RRAS2: variants seen among roughly 807,000 people sequenced by gnomAD.
The protein encoded by RRAS2 is ras-related protein R-Ras2.
A neutral mutation model predicts 27.6 loss-of-function variants in RRAS2; 7 were observed. That is an observed-to-expected ratio of 0.25 (90% CI 0.14 to 0.48). The LOEUF (loss-of-function observed/expected upper bound fraction) is 0.48. Among genes scored for constraint, RRAS2 ranks in the 20% least tolerant of loss-of-function variants. The pLI is 0.99. For synonymous variants in RRAS2, 86 were observed against 90.9 expected, an observed-to-expected ratio of 0.95 and a Z score of 0.31; for missense variants, 178 against 256.2, an observed-to-expected ratio of 0.69 and a Z score of 2.08.
intron 1 of RRAS2, among the ~76,000 whole-genome samples, chr11:14,339,971 T>A (rs916709572): frequency 2.0e-5 from 3 of 151,568 alleles, no homozygotes; most frequent in Non-Finnish European, 4.4e-5. Flanking sequence ...CACAAAAAAA[T>A]AGCCGGGTGT....
At chr11:14,302,880 G>A (rs1320588165) in intron 1 of RRAS2, among the ~76,000 whole-genome samples, 1 of 152,206 alleles carries the variant, frequency 6.6e-6, no homozygotes, top group African/African-American at 2.4e-5. Context: ...CAGTTTGCCA[G>A]CTGTGGGAAA....
chr11:14,281,239 G>A (rs1452835140), intron 5 of RRAS2, among the ~76,000 whole-genome samples: 2 of 152,096 alleles, frequency 1.3e-5, no homozygotes, highest in African/African-American at 2.4e-5. Context: ...CTGAAAGTGA[G>A]GATAAAACAG....
At chr11:14,361,884 C>T (rs547011706), upstream of RRAS2, among the ~76,000 whole-genome samples, 4 of 152,200 alleles carry the variant, frequency 2.6e-5, no homozygotes, top group Admixed American at 6.5e-5. Flanking sequence ...CGTATAGCCA[C>T]GCAATAGAAT....
In RRAS2 at chr11:14,315,524, T is replaced by C. The variant is rs964965277; in HGVS notation, c.109-19669A>G. On this transcript the variant is annotated intron_variant, in intron 1 of 5. Coordinates refer to ENST00000256196, the MANE Select transcript of RRAS2 (RefSeq NM_012250.6). ...AATGTAATGTGTTATCTTGATGGGA[T>C]CCTGGATCAGAAAAAGGACATTAGG... Among the ~76,000 whole-genome samples, 4 of 152,328 alleles carry C rather than the reference T, an allele frequency of 2.6e-5. No homozygotes were observed. The South Asian group carries it at 8.3e-4, about 32-fold the overall frequency.
intron 1 of RRAS2, among the ~76,000 whole-genome samples, chr11:14,329,892 AG>A (rs1848450115): frequency 6.6e-6 from 1 of 152,144 alleles, no homozygotes; most frequent in South Asian, 2.1e-4. Flanking sequence ...CAACATAGTG[AG>A]ACTTCATCTC....
chr11:14,360,295 C>A (rs1354153972), upstream of RRAS2, among the ~76,000 whole-genome samples: 3 of 152,220 alleles, frequency 2.0e-5, no homozygotes, highest in East Asian at 5.8e-4. Flanking sequence ...CCTAATCGAG[C>A]CTTCCAATGA....
upstream of RRAS2, among the ~76,000 whole-genome samples, chr11:14,360,478 G>A (rs1248940994): frequency 6.6e-6 from 1 of 151,844 alleles, no homozygotes; most frequent in Admixed American, 6.6e-5. Context: ...ATGGCCCACT[G>A]CAACCTCCAA....
intron 1 of RRAS2, among the ~76,000 whole-genome samples, chr11:14,328,859 T>C (rs1554951494): frequency 2.0e-5 from 3 of 151,770 alleles, no homozygotes; most frequent in African/African-American, 7.2e-5. Flanking sequence ...AGACAGGGTT[T>C]CTCCATGTTG....
chr11:14,284,320 T>A (rs1422110429), intron 4 of RRAS2, among the ~76,000 whole-genome samples: 5 of 152,202 alleles, frequency 3.3e-5, no homozygotes, highest in African/African-American at 4.8e-5. Flanking sequence ...TTCCCAATAT[T>A]TGAAGATATC....
chr11:14,296,380 G>A (rs1847551496), intron 1 of RRAS2, among the ~76,000 whole-genome samples: 1 of 152,100 alleles, frequency 6.6e-6, no homozygotes, highest in South Asian at 2.1e-4. Context: ...GTGAAGAAAA[G>A]GTACTAGGTA....
At chr11:14,351,894 CAAAAAAAA>C (rs35089298) in intron 1 of RRAS2, among the ~76,000 whole-genome samples, 9 of 113,348 alleles carry the variant, frequency 7.9e-5, no homozygotes, top group African/African-American at 3.1e-4. Context: ...GACTCCGTCT[CAAAAAAAA>C]AAAAAAAAAA....
intron 1 of RRAS2, among the ~76,000 whole-genome samples, chr11:14,350,822 T>C (rs1298949348): frequency 6.6e-6 from 1 of 152,208 alleles, no homozygotes; most frequent in East Asian, 1.9e-4. Context: ...CAAGCTTGTT[T>C]GAAAGCAAGA....
At chr11:14,342,021 G>A in intron 1 of RRAS2, 16 of 722,754 alleles carry the variant, frequency 2.2e-5, no homozygotes, top group Non-Finnish European at 2.9e-5. Context: ...CAAATCTTCA[G>A]CTCTATACTA....
At chr11:14,295,697 A>G in intron 2 of RRAS2, 71 bp downstream of exon 2, 1 of 1,153,512 alleles carries the variant, frequency 8.7e-7, no homozygotes, top group African/African-American at 1.6e-5. Context: ...TATTTAACAT[A>G]GCAAAACATC....
chr11:14,347,649 G>C (rs924262150), intron 1 of RRAS2, among the ~76,000 whole-genome samples: 1 of 151,852 alleles, frequency 6.6e-6, no homozygotes, highest in Admixed American at 6.6e-5. Flanking sequence ...GCGAGACCTC[G>C]TCGCTACAAA....
chr11:14,280,445 C>G (rs1386844700), intron 5 of RRAS2, among the ~76,000 whole-genome samples: 1 of 151,978 alleles, frequency 6.6e-6, no homozygotes, highest in East Asian at 1.9e-4. Context: ...AATAAATACG[C>G]AGCCCAGGTG....
chr11:14,344,096 T>C lies in RRAS2; in HGVS notation c.108+14667A>G, dbSNP rs1446731579. Among the ~76,000 whole-genome samples the C allele has an allele frequency of 1.4e-4, 21 of 152,122 alleles. 1 individual carries two copies. The highest frequency in any genetic ancestry group is 1.4e-3 in the Admixed American group (21 of 15,276). On this transcript the variant is annotated intron_variant, in intron 1 of 5. Transcript: ENST00000256196. ...ACATCAAGGCTGCAGTGAGCCATGA[T>C]TGTGCCATTGCACTCAAGCCTGGGA...
intron 1 of RRAS2, among the ~76,000 whole-genome samples, chr11:14,303,014 C>T (rs1313140563): frequency 6.6e-6 from 1 of 152,166 alleles, no homozygotes; most frequent in African/African-American, 2.4e-5. Context: ...GAGTACAAAG[C>T]CCAACAGATG....
At chr11:14,303,136 C>T (rs1554947613) in intron 1 of RRAS2, among the ~76,000 whole-genome samples, 1 of 152,150 alleles carries the variant, frequency 6.6e-6, no homozygotes, top group African/African-American at 2.4e-5. Context: ...ATTCTCTTAC[C>T]CTTAAAGTGA....
Sources: allele counts gnomAD v4.1 joint callset (sites outside exome capture counted in the v4.1 genomes callset), GRCh38; gene constraint gnomAD v4.1.1; transcripts MANE v1.5; gene names NCBI Gene and HGNC (gene_info 2026-07-23, HGNC 2026-07-21).